MITF: variants seen among roughly 807,000 people sequenced by gnomAD.
MITF encodes melanocyte inducing transcription factor, also known as microphthalmia-associated transcription factor.
MITF carries 17 observed loss-of-function variants against 60.5 expected under a neutral mutation model. That is an observed-to-expected ratio of 0.28 (90% CI 0.19 to 0.42). The LOEUF (loss-of-function observed/expected upper bound fraction) is 0.42. MITF is among the 10% of genes least tolerant of loss of function. The pLI, the probability that MITF is intolerant of heterozygous loss-of-function variation, is 1.00. For synonymous variants in MITF, 260 were observed against 248.5 expected (o/e 1.05, Z -0.43); for missense variants, 622 against 683.5 (o/e 0.91, Z 1.00).
At chr3:69,902,564 A>G (rs1046149207) in intron 2 of MITF, among the ~76,000 whole-genome samples, 5 of 152,210 alleles carry the variant, frequency 3.3e-5, no homozygotes, top group African/African-American at 1.2e-4. Flanking sequence ...ATGAAGGGAT[A>G]AATAGATAGC....
chr3:69,755,521 G>T (rs4510380), intron 1 of MITF, among the ~76,000 whole-genome samples: 137,583 of 137,588 alleles, frequency 1, 68,789 homozygotes, highest in Middle Eastern at 1. Context: ...AAGTTTTCAA[G>T]GGTTTTTTCT....
Position 69,858,831 on chromosome 3 carries a change from T to C in MITF, c.105-20303T>C, listed in dbSNP as rs368091319. ...AGCATTGTCTCCAAATAATAACTTT[T>C]ATTTGCCCTAGAATTTAAAGTTCTT... On this transcript the variant is annotated intron_variant, in intron 1 of 9. Transcript: ENST00000352241. 2.0e-4 allele frequency among the ~76,000 whole-genome samples: 30 copies of C among 152,214 alleles called. No homozygotes were observed. The East Asian group carries it at 2.5e-3, about 13-fold the overall frequency.
chr3:69,907,056 A>G (rs1046416160), intron 2 of MITF, among the ~76,000 whole-genome samples: 6 of 152,152 alleles, frequency 3.9e-5, no homozygotes, highest in Non-Finnish European at 7.4e-5. Context: ...AGAAAGGTTT[A>G]ACAAGTTACC....
intron 1 of MITF, among the ~76,000 whole-genome samples, chr3:69,779,923 G>T (rs1477062110): frequency 6.6e-6 from 1 of 152,118 alleles, no homozygotes; most frequent in African/African-American, 2.4e-5. Flanking sequence ...GACTAGAATG[G>T]ATTGGAAAAA....
intron 8 of MITF, 123 bp downstream of exon 8, chr3:69,956,653 T>C (rs2066406563): frequency 9.0e-6 from 7 of 779,514 alleles, no homozygotes; most frequent in Admixed American, 2.0e-5. Flanking sequence ...CCTTTGGTTC[T>C]ATTCCTAAAT....
At chr3:69,821,503 G>C (rs1428491388) in intron 1 of MITF, among the ~76,000 whole-genome samples, 1 of 152,036 alleles carries the variant, frequency 6.6e-6, no homozygotes, top group Non-Finnish European at 1.5e-5. Flanking sequence ...TTCGATTCAA[G>C]TTGGCTTCTC....
At chr3:69,940,932 A>G (rs946551880) in intron 4 of MITF, among the ~76,000 whole-genome samples, 9 of 152,204 alleles carry the variant, frequency 5.9e-5, no homozygotes, top group Admixed American at 4.6e-4. Flanking sequence ...AGTACCTGCC[A>G]TGATACGGTT....
chr3:69,955,195 C>A (rs1266638866), intron 7 of MITF, among the ~76,000 whole-genome samples: 1 of 152,138 alleles, frequency 6.6e-6, no homozygotes, highest in Non-Finnish European at 1.5e-5. Context: ...CCTACTCAGA[C>A]TTGAAATATG....
intron 2 of MITF, among the ~76,000 whole-genome samples, chr3:69,893,744 A>T (rs1197649789): frequency 3.9e-5 from 6 of 152,222 alleles, no homozygotes; most frequent in Non-Finnish European, 2.9e-5. Flanking sequence ...CTGTTGAATT[A>T]CATTGCAGCA....
chr3:69,788,658 G>A lies in MITF; in HGVS notation c.104+48957G>A, dbSNP rs1351161036. Among the ~76,000 whole-genome samples the A allele has an allele frequency of 2.0e-5, 3 of 152,118 alleles. No homozygotes were observed. The East Asian group carries it at 5.8e-4, about 29-fold the overall frequency. On this transcript the variant is annotated intron_variant, in intron 1 of 9. Transcript: ENST00000352241. ...GAGCCAAAGCAATTTTGAGAAAGAAGAACAAATTTGAAGGACTCACACTTT... is the reference window on the plus strand; with the variant it reads ...GAGCCAAAGCAATTTTGAGAAAGAAAAACAAATTTGAAGGACTCACACTTT...
intron 1 of MITF, among the ~76,000 whole-genome samples, chr3:69,866,827 C>CA (rs1559683882): frequency 6.6e-6 from 1 of 150,456 alleles, no homozygotes; most frequent in Non-Finnish European, 1.5e-5. Flanking sequence ...TTTCTCCCCC[C>CA]ACCTTTTTTT....
chr3:69,948,412 T>A lies in MITF; in HGVS notation c.763-639T>A, dbSNP rs189462264. On this transcript the variant is annotated intron_variant, in intron 5 of 9. Coordinates refer to ENST00000352241, the MANE Select transcript of MITF (RefSeq NM_001354604.2). ...AAATATTTCTTTTACTTTTTTTTTT[T>A]ATTATTATTCTCTTGAAAGTGTAAA... Among the ~76,000 whole-genome samples the A allele has an allele frequency of 7.9e-5, 12 of 151,794 alleles. No homozygotes were observed. In the East Asian group the frequency reaches 2.3e-3, roughly 29 times the overall value.
intron 1 of MITF, among the ~76,000 whole-genome samples, chr3:69,847,031 T>A (rs2063744535): frequency 1.3e-5 from 2 of 152,100 alleles, no homozygotes; most frequent in South Asian, 4.1e-4. Flanking sequence ...GAAAGGGACC[T>A]GGGATTCTTT....
chr3:69,882,568 A>C (rs75433030), intron 2 of MITF, among the ~76,000 whole-genome samples: 1,650 of 152,284 alleles, frequency 0.011, 18 homozygotes, highest in African/African-American at 0.031. Context: ...ACAACAACAA[A>C]AAAAAAGTCA....
intron 7 of MITF, 29 bp from the exon 8 acceptor site, chr3:69,956,426 A>G (rs1161322798): frequency 6.3e-7 from 1 of 1,577,784 alleles, no homozygotes; most frequent in South Asian, 1.1e-5. Context: ...ACTGTTACTA[A>G]TAGCCTTTCC....
At chr3:69,842,022 C>A (rs1426663984) in intron 1 of MITF, among the ~76,000 whole-genome samples, 2 of 152,154 alleles carry the variant, frequency 1.3e-5, no homozygotes, top group Non-Finnish European at 2.9e-5. Context: ...TGTTAAATCT[C>A]CCGTTGATGA....
intron 1 of MITF, among the ~76,000 whole-genome samples, chr3:69,877,989 G>T (rs1434253743): frequency 6.6e-6 from 1 of 152,068 alleles, no homozygotes; most frequent in African/African-American, 2.4e-5. Context: ...TATATATAGA[G>T]AGAGAAATAA....
intron 1 of MITF, 37 bp downstream of exon 1, chr3:69,739,738 G>A (rs767734100): frequency 1.3e-6 from 2 of 1,481,864 alleles, no homozygotes; most frequent in East Asian, 2.5e-5. Context: ...GCACCGGGCG[G>A]CTGGGGGGCA....
chr3:69,845,438 C>CTTTTTTTTTTTTTTTTTTTTTTTTTT (rs202135701), intron 1 of MITF, among the ~76,000 whole-genome samples: 7 of 133,672 alleles, frequency 5.2e-5, no homozygotes, highest in Non-Finnish European at 9.8e-5. Context: ...TTTCTTTTTT[C>CTTTTTTTTTTTTTTTTTTTTTTTTTT]TTTCTTTTTT....
Sources: allele counts gnomAD v4.1 joint callset (sites outside exome capture counted in the v4.1 genomes callset), GRCh38; gene constraint gnomAD v4.1.1; transcripts MANE v1.5; gene names NCBI Gene and HGNC (gene_info 2026-07-23, HGNC 2026-07-21).